The following C1orf87 variants were observed in gnomAD, a reference collection of about 807,000 sequenced individuals.
C1orf87 encodes uncharacterized protein C1orf87.
A neutral mutation model predicts 60.5 loss-of-function variants in C1orf87; 58 were observed. That is an observed-to-expected ratio of 0.96 (90% CI 0.78 to 1.19). The LOEUF (loss-of-function observed/expected upper bound fraction) is 1.19, where lower values mean the gene tolerates loss of function less well. Among genes scored for constraint, C1orf87 ranks in the 50% most tolerant of loss-of-function variants. C1orf87 has a pLI of 0.00. For synonymous variants in C1orf87, 236 were observed against 227.4 expected, an observed-to-expected ratio of 1.04 and a Z score of -0.34; for missense variants, 673 against 638.6, an observed-to-expected ratio of 1.05 and a Z score of -0.58.
chr1:59,994,270 T>TA lies in C1orf87; in HGVS notation c.1480+3338dup, dbSNP rs768995033. Reference sequence around the variant, plus strand: ...TGGATTTGAATCTAAATCTTCTGATTAAAAAAAAAAATCAAGCAAAATCGT... The same window carrying TA: ...TGGATTTGAATCTAAATCTTCTGATTAAAAAAAAAAAATCAAGCAAAATCGT... On this transcript the variant is annotated intron_variant, in intron 11 of 11. Coordinates refer to ENST00000371201, the MANE Select transcript of C1orf87 (RefSeq NM_152377.3). 5.1e-3 allele frequency among the ~76,000 whole-genome samples: 748 copies of TA among 147,276 alleles called. 2 individuals are homozygous for TA. Among genetic ancestry groups the TA allele is most frequent in the Non-Finnish European group, 6.2e-3 (416 of 66,792 alleles).
intron 3 of C1orf87, among the ~76,000 whole-genome samples, chr1:60,045,745 T>G (rs1475766290): frequency 6.6e-6 from 1 of 152,162 alleles, no homozygotes; most frequent in Non-Finnish European, 1.5e-5. Context: ...TGAGAATTAT[T>G]GAGACCCACG....
intron 2 of C1orf87, among the ~76,000 whole-genome samples, chr1:60,059,366 T>A (rs921972058): frequency 1.8e-4 from 27 of 152,354 alleles, no homozygotes; most frequent in African/African-American, 6.3e-4. Flanking sequence ...CAGCTGCTGC[T>A]CTGGGGGTGC....
intron 3 of C1orf87, among the ~76,000 whole-genome samples, chr1:60,044,624 A>C (rs1401168105): frequency 5.3e-5 from 8 of 152,144 alleles, no homozygotes; most frequent in Admixed American, 5.2e-4. Context: ...GCCTGGGTTC[A>C]GGCCAGCTGC....
At chr1:60,065,845 T>C (rs1371061609) in intron 2 of C1orf87, among the ~76,000 whole-genome samples, 6 of 152,230 alleles carry the variant, frequency 3.9e-5, no homozygotes, top group Non-Finnish European at 8.8e-5. Context: ...TAAATATCAA[T>C]GCAAATTACA....
At chr1:59,991,818 G>A (rs572750756) in intron 11 of C1orf87, among the ~76,000 whole-genome samples, 16 of 152,208 alleles carry the variant, frequency 1.1e-4, no homozygotes, top group Admixed American at 5.2e-4. Context: ...GATGGCTGTT[G>A]GGAGGAGTCG....
intron 2 of C1orf87, among the ~76,000 whole-genome samples, chr1:60,066,181 A>G (rs1017041834): frequency 1.3e-5 from 2 of 152,082 alleles, no homozygotes; most frequent in Non-Finnish European, 2.9e-5. Flanking sequence ...TGGTTGTGCA[A>G]TTTCTTAAGA....
chr1:60,045,948 A>G (rs1645364074), intron 3 of C1orf87, among the ~76,000 whole-genome samples: 1 of 152,194 alleles, frequency 6.6e-6, no homozygotes, highest in Non-Finnish European at 1.5e-5. Context: ...ATATCTTCAA[A>G]TGTCTCATCA....
chr1:60,047,302 T>C (rs1261672835), intron 3 of C1orf87, among the ~76,000 whole-genome samples: 1 of 152,234 alleles, frequency 6.6e-6, no homozygotes, highest in African/African-American at 2.4e-5. Flanking sequence ...TTTTTTAAAA[T>C]AATCATTATG....
intron 6 of C1orf87, among the ~76,000 whole-genome samples, chr1:60,034,645 G>A (rs1192186520): frequency 1.3e-5 from 2 of 152,336 alleles, no homozygotes; most frequent in East Asian, 1.9e-4. Flanking sequence ...TGAATGAGGA[G>A]TTGGGAAGAG....
At chr1:60,025,149 C>T (rs1344087808) in intron 8 of C1orf87, among the ~76,000 whole-genome samples, 2 of 152,152 alleles carry the variant, frequency 1.3e-5, no homozygotes. Context: ...GCTGAGGACC[C>T]TCTTCCTGAC....
chr1:60,001,228 A>T, intron 9 of C1orf87, 72 bp from the exon 10 acceptor site: 1 of 1,049,272 alleles, frequency 9.5e-7, no homozygotes, highest in Non-Finnish European at 1.3e-6. Flanking sequence ...CATATACACA[A>T]GGCAACAACA....
At chr1:60,006,517 A>G (rs192865617) in intron 9 of C1orf87, among the ~76,000 whole-genome samples, 23 of 152,110 alleles carry the variant, frequency 1.5e-4, no homozygotes, top group African/African-American at 5.5e-4. Context: ...GAGGGGTGTC[A>G]ATGAGCCTCT....
intron 2 of C1orf87, among the ~76,000 whole-genome samples, chr1:60,056,101 G>A (rs1056639952): frequency 3.3e-5 from 5 of 151,928 alleles, no homozygotes; most frequent in South Asian, 2.1e-4. Context: ...AAAATCAGCC[G>A]GGCGTGGTGG....
rs959154173 is a variant in C1orf87 at position 60,041,034 on chromosome 1, C to T, written c.440G>A (p.Trp147Ter). ...HGIPRRKLRD[W>*]SLEQMVRGSS... The stretch of plus-strand genomic sequence containing the variant: ...GCCTCTCACCATCTGTTCCAAGGAC[C>T]AGTCTCTAAGCTTTCTCCTGGGAAT... The change falls in exon 4 of 12, where the codon TGG becomes TAG. Residue 147 changes from tryptophan (W) to a stop codon, truncating the protein, a stop_gained. Coordinates refer to ENST00000371201, the MANE Select transcript of C1orf87 (RefSeq NM_152377.3). LOFTEE classifies it high-confidence loss of function. 8 of 1,613,256 alleles carry T rather than the reference C, an allele frequency of 5.0e-6. No individual in the cohort carries two copies. Among genetic ancestry groups the T allele is most frequent in the Non-Finnish European group, 6.8e-6 (8 of 1,179,508 alleles).
chr1:60,014,497 T>C (rs930140092), intron 8 of C1orf87, among the ~76,000 whole-genome samples: 3 of 152,052 alleles, frequency 2.0e-5, no homozygotes, highest in African/African-American at 7.2e-5. Context: ...TAGTTGGGGG[T>C]TGTTAGGCAG....
chr1:59,991,991 A>T (rs1225508475), intron 11 of C1orf87, among the ~76,000 whole-genome samples: 1 of 152,202 alleles, frequency 6.6e-6, no homozygotes, highest in African/African-American at 2.4e-5. Flanking sequence ...AGTTATTCAG[A>T]AAATTAACTG....
At chr1:59,996,649 G>C (rs1054781302) in intron 11 of C1orf87, among the ~76,000 whole-genome samples, 1 of 152,076 alleles carries the variant, frequency 6.6e-6, no homozygotes, top group Non-Finnish European at 1.5e-5. Context: ...GCCAGAAAAG[G>C]CTACTTCATT....
chr1:60,003,277 C>T (rs1645020034), intron 9 of C1orf87, among the ~76,000 whole-genome samples: 2 of 129,218 alleles, frequency 1.5e-5, no homozygotes, highest in Non-Finnish European at 1.5e-5. Context: ...ACAATGAGAT[C>T]ACATGGACAC....
Position 60,061,776 on chromosome 1 carries a change from C to CAAAAAA in C1orf87, c.108-6344_108-6339dup, listed in dbSNP as rs57844722. On this transcript the variant is annotated intron_variant, in intron 2 of 11. Transcript: ENST00000371201. ...CAACATGGCCAAACCCCATCTCTAC[C>CAAAAAA]AAAAAAAAAAAAAAAAAAAAAAAAA... Among the ~76,000 whole-genome samples the CAAAAAA allele has an allele frequency of 3.0e-3, 157 of 53,164 alleles. 25 individuals carry two copies. Among genetic ancestry groups the CAAAAAA allele is most frequent in the Non-Finnish European group, 1.8e-3 (54 of 29,286 alleles). 34.9% of individuals were successfully genotyped at this position (53,164 alleles called of 152,430 possible).
Sources: allele counts gnomAD v4.1 joint callset (sites outside exome capture counted in the v4.1 genomes callset), GRCh38; gene constraint gnomAD v4.1.1; transcripts MANE v1.5; gene names NCBI Gene and HGNC (gene_info 2026-07-23, HGNC 2026-07-21).